DHRS12: variants seen among roughly 807,000 people sequenced by gnomAD.
DHRS12 encodes the protein dehydrogenase/reductase SDR family member 12.
In DHRS12, 29 loss-of-function variants were observed where a neutral mutation model predicts 32.1. That is an observed-to-expected ratio of 0.90 (90% confidence interval 0.67 to 1.23). The LOEUF (loss-of-function observed/expected upper bound fraction) is 1.23. Among genes scored for constraint, DHRS12 ranks in the 50% most tolerant of loss-of-function variants. DHRS12 has a pLI of 0.00. For missense variants in DHRS12, 330 were observed against 337.2 expected (o/e 0.98, Z 0.17); for synonymous variants, 150 against 135.9 (o/e 1.10, Z -0.72).
At chr13:51,776,827 C>T (rs934890646) in intron 5 of DHRS12, among the ~76,000 whole-genome samples, 9 of 152,038 alleles carry the variant, frequency 5.9e-5, no homozygotes, top group Admixed American at 3.9e-4. Flanking sequence ...CCGACACCCA[C>T]GTGACAGCCG....
chr13:51,782,511 C>G lies in DHRS12; in HGVS notation c.302-5390G>C, dbSNP rs1001837301. Among the ~76,000 whole-genome samples, 8 of 152,146 alleles carry G rather than the reference C, an allele frequency of 5.3e-5. No individual in the cohort carries two copies. Among genetic ancestry groups the G allele is most frequent in the Non-Finnish European group, 1.0e-4 (7 of 68,038 alleles). On this transcript the variant is annotated intron_variant, in intron 4 of 8. Transcript: ENST00000444610. The surrounding 1 kb of genome is among the most constrained non-coding windows in gnomAD (Gnocchi z 4.2). ...GTGCGCTCTCCAGAACCAGGAATAT[C>G]AGGGTCATAGGTGACCTCAGCATGA...
intron 4 of DHRS12, chr13:51,789,710 C>T (rs750586811): frequency 3.2e-5 from 32 of 985,314 alleles, no homozygotes; most frequent in Non-Finnish European, 3.9e-5. Flanking sequence ...TAGACTTGCA[C>T]TCAACACTTA....
downstream of DHRS12, chr13:51,767,876 C>T: frequency 1.7e-6 from 1 of 582,974 alleles, no homozygotes; most frequent in Non-Finnish European, 2.3e-6. Flanking sequence ...ATTCCTGCTG[C>T]CCCCACCCCT....
In DHRS12 at chr13:51,777,126, G is replaced by C. The variant is rs147478250; in HGVS notation, c.302-5C>G. ...CGGTCGTGAGAATGTACACACCTGA[G>C]GCAGCACACAGCATCCCATGAGGGG... is the stretch of plus-strand genomic sequence containing the variant. On this transcript the variant is annotated splice_polypyrimidine_tract_variant and splice_region_variant and intron_variant, in intron 4 of 8. Transcript: ENST00000444610. 17 of 1,614,010 alleles carry C rather than the reference G, an allele frequency of 1.1e-5. No homozygotes were observed. In the East Asian group the frequency reaches 3.6e-4, roughly 34 times the overall value.
intron 2 of DHRS12, among the ~76,000 whole-genome samples, chr13:51,794,882 A>T (rs1476111219): frequency 1.3e-5 from 2 of 152,064 alleles, no homozygotes; most frequent in East Asian, 3.8e-4. Flanking sequence ...TGCAACCAGA[A>T]GCCTGGGGAA....
chr13:51,763,712 CA>C (rs1953659383), downstream of DHRS12: 1 of 152,222 alleles, frequency 6.6e-6, no homozygotes. Flanking sequence ...GCGGGAGGAT[CA>C]CTCGAGCCCA....
chr13:51,756,432 A>G, the DHRS12 span: 1 of 1,614,070 alleles, frequency 6.2e-7, no homozygotes, highest in South Asian at 1.1e-5. Context: ...AGGGTCTGTG[A>G]CAGCTGCCAC....
At position 51,799,669 on chromosome 13, in the gene DHRS12, T is replaced by G; in HGVS notation, c.-8-2A>C. 6.2e-7 allele frequency: 1 copy of G among 1,613,690 alleles called. No homozygotes were observed. The highest frequency in any genetic ancestry group is 8.5e-7 in the Non-Finnish European group (1 of 1,179,928). The stretch of plus-strand genomic sequence containing the variant: ...TTACATGCAGATTCATAGCCACTCC[T>G]AGAAAGAGGAGACCCACAGGAAGAC... On this transcript the variant is annotated splice_acceptor_variant, in intron 1 of 8. Coordinates refer to ENST00000444610, the MANE Select transcript of DHRS12 (RefSeq NM_001377533.1). LOFTEE classifies it low-confidence loss of function (5UTR_SPLICE).
chr13:51,783,940 T>C (rs1397725146), intron 4 of DHRS12, among the ~76,000 whole-genome samples: 1 of 152,266 alleles, frequency 6.6e-6, no homozygotes, highest in Non-Finnish European at 1.5e-5. Context: ...TAAGCTGCTA[T>C]AAACATTCGT....
rs939753624 is a variant in DHRS12, at chr13:51,799,676, A to T, written c.-8-9T>A. The T allele has an allele frequency of 3.1e-6, 5 of 1,613,598 alleles. No homozygotes were observed. Among genetic ancestry groups the T allele is most frequent in the Non-Finnish European group, 4.2e-6 (5 of 1,179,888 alleles). On this transcript the variant is annotated splice_polypyrimidine_tract_variant and intron_variant, in intron 1 of 8. Coordinates refer to ENST00000444610, the MANE Select transcript of DHRS12 (RefSeq NM_001377533.1). ...CAGATTCATAGCCACTCCTAGAAAGAGGAGACCCACAGGAAGACCAGCTGT... is the reference window on the plus strand; with the variant it reads ...CAGATTCATAGCCACTCCTAGAAAGTGGAGACCCACAGGAAGACCAGCTGT...
chr13:51,794,964 T>A (rs1426597130), intron 2 of DHRS12, among the ~76,000 whole-genome samples: 1 of 152,138 alleles, frequency 6.6e-6, no homozygotes, highest in Admixed American at 6.5e-5. Flanking sequence ...GCCAGCAGTC[T>A]GCTCTACAGT....
At chr13:51,783,689 CCT>C (rs1161351741) in intron 4 of DHRS12, among the ~76,000 whole-genome samples, 15 of 152,196 alleles carry the variant, frequency 9.9e-5, no homozygotes, top group Non-Finnish European at 2.9e-5. Context: ...GCCCCTGCAG[CCT>C]CTGACCTCTT....
In DHRS12 at chr13:51,791,160, C is replaced by T. The variant is rs780160997; in HGVS notation, c.219+5G>A. On this transcript the variant is annotated splice_donor_5th_base_variant and intron_variant, in intron 3 of 8. Transcript: ENST00000444610. ...TTATTCTCCACTTATGTTTACAAAG[C>T]TCACCAGAACATGGAGTTTATGTTC... 1.3e-6 allele frequency: 2 copies of T among 1,559,664 alleles called. No homozygotes were observed. The highest frequency in any genetic ancestry group is 2.3e-5 in the East Asian group (1 of 43,392).
intron 4 of DHRS12, among the ~76,000 whole-genome samples, chr13:51,778,531 T>C: frequency 6.6e-6 from 1 of 152,178 alleles, no homozygotes; most frequent in Non-Finnish European, 1.5e-5. Context: ...TTATGACAAG[T>C]AGAAAGGACT....
chr13:51,786,757 C>T (rs996522946), intron 4 of DHRS12, among the ~76,000 whole-genome samples: 7 of 152,204 alleles, frequency 4.6e-5, no homozygotes, highest in African/African-American at 1.4e-4. Context: ...GTGATAAATC[C>T]TGCGAATGCT....
chr13:51,790,956 T>C (rs949815428), intron 3 of DHRS12, among the ~76,000 whole-genome samples: 2 of 152,186 alleles, frequency 1.3e-5, no homozygotes, highest in Non-Finnish European at 2.9e-5. Flanking sequence ...ACCCAGTGGA[T>C]GGCCCCTTCC....
At chr13:51,795,511 A>G (rs1237067091) in intron 2 of DHRS12, among the ~76,000 whole-genome samples, 1 of 152,170 alleles carries the variant, frequency 6.6e-6, no homozygotes, top group Non-Finnish European at 1.5e-5. Flanking sequence ...TATTTCAGTA[A>G]CATCTAACAG....
At chr13:51,758,193 C>T in the DHRS12 span, 26,613 of 1,569,488 alleles carry the variant, frequency 0.017, 497 homozygotes, top group Admixed American at 0.079. Flanking sequence ...TCCTTCTAGA[C>T]GTGCACCCAC....
At chr13:51,786,025 T>C (rs912305495) in intron 4 of DHRS12, among the ~76,000 whole-genome samples, 4 of 152,256 alleles carry the variant, frequency 2.6e-5, no homozygotes, top group Non-Finnish European at 5.9e-5. Flanking sequence ...AAAGCATCTC[T>C]GGACCTGGGG....
Sources: allele counts gnomAD v4.1 joint callset (sites outside exome capture counted in the v4.1 genomes callset), GRCh38; gene constraint gnomAD v4.1.1; non-coding constraint Gnocchi (gnomAD v3.1); transcripts MANE v1.5; gene names NCBI Gene and HGNC (gene_info 2026-07-23, HGNC 2026-07-21).